The following MYH7B variants were observed in gnomAD, a reference collection of about 807,000 sequenced individuals.
MYH7B encodes the protein myosin heavy chain 7B, also known as myosin-7B.
MYH7B carries 205 observed loss-of-function variants against 234.5 expected under a neutral mutation model. That is an observed-to-expected ratio of 0.87 (90% CI 0.78 to 0.98). The LOEUF is 0.98. Among genes scored for constraint, MYH7B ranks in the 50% least tolerant of loss-of-function variants. The pLI is 0.00. For missense variants in MYH7B, 2,652 were observed against 2,633.4 expected (o/e 1.01, Z -0.15); for synonymous variants, 1,193 against 1,105.0 (o/e 1.08, Z -1.58).
chr20:34,980,046 C>CG, intron 7 of MYH7B: 1 of 553,402 alleles, frequency 1.8e-6, no homozygotes, highest in South Asian at 2.1e-5. Flanking sequence ...TGTAGCAGTG[C>CG]GGGGCGGGTC....
intron 9 of MYH7B, chr20:34,981,714 T>A (rs2081944518): frequency 6.6e-6 from 1 of 151,680 alleles, no homozygotes; most frequent in African/African-American, 2.4e-5. Context: ...TAGCTGGGCG[T>A]GGTGGCAGGT....
At chr20:35,000,385 T>A (rs1460807400) in exon 39 of MYH7B, 1 of 1,599,552 alleles carries the variant, frequency 6.3e-7, no homozygotes, top group African/African-American at 1.3e-5. Flanking sequence ...AAGAAGAAGA[T>A]GGAGGGTGAC....
Position 34,997,181 on chromosome 20 carries a change from G to C in MYH7B, c.3357+8G>C. On this transcript the variant is annotated splice_region_variant and intron_variant, in intron 31 of 44. Transcript: ENST00000262873. ...AAGATCAAGGAGCTGCAGGTGCGTG[G>C]GGATCGGGTGGGTGAGGCCTGGGGT... 6.5e-7 allele frequency: 1 copy of C among 1,550,292 alleles called. No homozygotes were observed. Among genetic ancestry groups the C allele is most frequent in the Non-Finnish European group, 8.7e-7 (1 of 1,147,272 alleles).
At chr20:34,981,155 T>C (rs1310313363) in intron 9 of MYH7B, 95 bp downstream of exon 9, 1 of 1,525,114 alleles carries the variant, frequency 6.6e-7, no homozygotes, top group African/African-American at 1.4e-5. Flanking sequence ...GAATCCAAAG[T>C]GCTTAGGCCA....
chr20:34,999,209 G>A (rs764279289), exon 36 of MYH7B: 9 of 1,612,298 alleles, frequency 5.6e-6, no homozygotes, highest in African/African-American at 2.7e-5. Flanking sequence ...CAGCTGCTGC[G>A]CTGGACAAGA....
At chr20:34,995,524 C>A (rs981489909) in exon 28 of MYH7B, 1 of 1,614,172 alleles carries the variant, frequency 6.2e-7, no homozygotes, top group Non-Finnish European at 8.5e-7. Context: ...ACATTGATGA[C>A]CTGGAGCTGA....
intron 2 of MYH7B, among the ~76,000 whole-genome samples, chr20:34,972,335 C>T (rs747388892): frequency 4.0e-5 from 6 of 151,886 alleles, no homozygotes; most frequent in Non-Finnish European, 8.8e-5. Context: ...ATTTGCTGTT[C>T]CTTCTGCTTG....
rs764312419 is a variant in MYH7B at position 34,998,451 on chromosome 20, G to A, written c.3874+30G>A. 3 of 1,612,618 alleles carry A rather than the reference G, an allele frequency of 1.9e-6. No homozygotes were observed. The African/African-American group carries it at 4.0e-5, about 22-fold the overall frequency. On this transcript the variant is annotated intron_variant, in intron 33 of 44. Coordinates refer to ENST00000262873, the Ensembl canonical transcript of MYH7B. Reference sequence around the variant, plus strand: ...GGCTGGGGCTCAGCTGGCCACACCAGGCAGGGCTTTGGTGCAGCCCTCACC... The same window carrying A: ...GGCTGGGGCTCAGCTGGCCACACCAAGCAGGGCTTTGGTGCAGCCCTCACC...
In MYH7B at chr20:34,998,414, G is replaced by A. The variant is rs375195969; in HGVS notation, c.3867G>A (p.Thr1289=). ...GCACGCAGCGTGGGCGACTACAGAC[G>A]GAAAGCGGTGAGGCTGGGGCTCAGC... The change falls in exon 33 of 45, where the codon ACG becomes ACA. Residue 1289 remains threonine (T), a synonymous_variant. Transcript: ENST00000262873. 55 of 1,613,228 alleles carry A rather than the reference G, an allele frequency of 3.4e-5. No individual in the cohort carries two copies. The highest frequency in any genetic ancestry group is 1.6e-4 in the South Asian group (15 of 91,054).
intron 32 of MYH7B, 122 bp downstream of exon 32, chr20:34,997,762 C>T (rs2082291861): frequency 2.5e-6 from 3 of 1,203,874 alleles, no homozygotes; most frequent in Admixed American, 4.9e-5. Context: ...GACCTCTTCA[C>T]CTGGTACACA....
intron 2 of MYH7B, among the ~76,000 whole-genome samples, chr20:34,958,733 G>T (rs1035982801): frequency 1.3e-5 from 2 of 152,136 alleles, no homozygotes; most frequent in African/African-American, 4.8e-5. Context: ...CAAAGTGCTG[G>T]GATTACAGGC....
chr20:34,987,326 C>T (rs2082048064), intron 16 of MYH7B, 39 bp downstream of exon 16: 2 of 1,604,308 alleles, frequency 1.2e-6, no homozygotes, highest in Non-Finnish European at 8.5e-7. Context: ...TGACCCAGAC[C>T]TCAGCATCCT....
At position 34,989,997 on chromosome 20, in the gene MYH7B, C is replaced by G. The variant is rs767287704; in HGVS notation, c.1768-17C>G. 6.2e-7 allele frequency: 1 copy of G among 1,613,954 alleles called. No homozygotes were observed. The highest frequency in any genetic ancestry group is 8.5e-7 in the Non-Finnish European group (1 of 1,179,910). On this transcript the variant is annotated splice_polypyrimidine_tract_variant and intron_variant, in intron 20 of 44. Transcript: ENST00000262873. ...CAGGTCTCCCACCCGGGCTCAGCACCTGACTTGTCTCTCCAGGTGCCTTAC... is the reference window on the plus strand; with the variant it reads ...CAGGTCTCCCACCCGGGCTCAGCACGTGACTTGTCTCTCCAGGTGCCTTAC...
chr20:34,988,338 T>TTGCATGGAAGCCTGCAAGTG (rs1488422941), intron 19 of MYH7B, 76 bp downstream of exon 19: 1 of 1,502,836 alleles, frequency 6.7e-7, no homozygotes, highest in Non-Finnish European at 9.1e-7. Flanking sequence ...TGACCATGGC[T>TTGCATGGAAGCCTGCAAGTG]TGCATGGAAG....
intron 26 of MYH7B, among the ~76,000 whole-genome samples, 173 bp downstream of exon 26, chr20:34,993,643 CGG>C (rs1466642449): frequency 6.6e-6 from 1 of 152,226 alleles, no homozygotes; most frequent in African/African-American, 2.4e-5. Context: ...CCTCAAAAAA[CGG>C]GGTACGGCAC....
chr20:34,988,357 T>C (rs997781068), intron 19 of MYH7B, 95 bp downstream of exon 19: 4 of 1,387,164 alleles, frequency 2.9e-6, no homozygotes, highest in Admixed American at 2.1e-5. Flanking sequence ...AGCCTGCAAG[T>C]GTGCATGGAA....
chr20:34,956,705 AG>A (rs1236504888), intron 1 of MYH7B, among the ~76,000 whole-genome samples: 5 of 152,128 alleles, frequency 3.3e-5, no homozygotes, highest in African/African-American at 1.2e-4. Flanking sequence ...TGAAGGAGGT[AG>A]GGGTAGAGGT....
intron 1 of MYH7B, among the ~76,000 whole-genome samples, chr20:34,957,701 A>G (rs7268769): frequency 0.039 from 5,909 of 151,996 alleles, 381 homozygotes; most frequent in African/African-American, 0.14. Flanking sequence ...TGTTGGCCAG[A>G]TTGGTCTGAA....
intron 28 of MYH7B, 62 bp downstream of exon 28, chr20:34,995,640 G>A: frequency 1.3e-6 from 2 of 1,597,166 alleles, no homozygotes; most frequent in South Asian, 1.1e-5. Context: ...GGGGCCAGGT[G>A]GCTGCAGGTC....
Sources: gnomAD v4.1 joint callset for allele counts (sites outside exome capture counted in the v4.1 genomes callset) on GRCh38, gnomAD v4.1.1 for gene constraint, MANE v1.5 for transcripts, NCBI Gene and HGNC (gene_info 2026-07-23, HGNC 2026-07-21) for gene names.